Variants in PIBF1 observed in about 807,000 individuals in gnomAD.
PIBF1 encodes the protein progesterone immunomodulatory binding factor 1, also known as progesterone-induced-blocking factor 1.
A neutral mutation model predicts 112.5 loss-of-function variants in PIBF1; 90 were observed. The observed-to-expected ratio is 0.80, with a 90% confidence interval of 0.67 to 0.95. The LOEUF is 0.95. Ranked by LOEUF, PIBF1 falls within the 40% of genes least tolerant of loss-of-function variation. PIBF1 has a pLI of 0.00. For missense variants in PIBF1, 915 were observed against 852.3 expected, an observed-to-expected ratio of 1.07 and a Z score of -0.92; for synonymous variants, 301 against 288.6, an observed-to-expected ratio of 1.04 and a Z score of -0.44.
intron 14 of PIBF1, among the ~76,000 whole-genome samples, chr13:72,945,404 A>G (rs1207811276): frequency 6.6e-6 from 1 of 152,230 alleles, no homozygotes; most frequent in Non-Finnish European, 1.5e-5. Flanking sequence ...GTTTATACCC[A>G]GTAATGAGAT....
chr13:72,893,057 A>C (rs2040121515), intron 10 of PIBF1, among the ~76,000 whole-genome samples: 1 of 152,210 alleles, frequency 6.6e-6, no homozygotes, highest in Admixed American at 6.6e-5. Flanking sequence ...CATACCCAGC[A>C]TTATACTTGG....
intron 11 of PIBF1, among the ~76,000 whole-genome samples, chr13:72,898,553 C>T (rs1235307218): frequency 6.6e-6 from 1 of 151,698 alleles, no homozygotes; most frequent in Non-Finnish European, 1.5e-5. Flanking sequence ...ATTGATAGAT[C>T]AGGCCAGGCA....
intron 16 of PIBF1, among the ~76,000 whole-genome samples, chr13:72,984,181 A>C (rs1239232248): frequency 6.6e-6 from 1 of 152,186 alleles, no homozygotes; most frequent in African/African-American, 2.4e-5. Context: ...ATTTACACAC[A>C]TACTTTATGA....
intron 14 of PIBF1, among the ~76,000 whole-genome samples, chr13:72,934,655 A>G (rs997850047): frequency 1.3e-5 from 2 of 152,204 alleles, no homozygotes; most frequent in Admixed American, 6.5e-5. Flanking sequence ...GAGATTGTAC[A>G]TAAGTGAACT....
At chr13:72,869,591 A>G (rs947559838) in intron 10 of PIBF1, among the ~76,000 whole-genome samples, 1 of 151,780 alleles carries the variant, frequency 6.6e-6, no homozygotes, top group Admixed American at 6.6e-5. Flanking sequence ...CATTGTGCAC[A>G]TGTACCCTAA....
chr13:72,902,660 A>T (rs1350598821), intron 11 of PIBF1, among the ~76,000 whole-genome samples: 1 of 152,206 alleles, frequency 6.6e-6, no homozygotes, highest in Non-Finnish European at 1.5e-5. Flanking sequence ...TTTATTATGT[A>T]AAAATTAGAA....
chr13:72,854,810 C>T (rs921395369), intron 10 of PIBF1, among the ~76,000 whole-genome samples: 1 of 149,032 alleles, frequency 6.7e-6, no homozygotes, highest in Non-Finnish European at 1.5e-5. Flanking sequence ...CCATTGTATA[C>T]TCCCTAGTTT....
intron 14 of PIBF1, among the ~76,000 whole-genome samples, chr13:72,935,191 G>A (rs921292941): frequency 1.3e-5 from 2 of 152,024 alleles, no homozygotes; most frequent in Non-Finnish European, 2.9e-5. Context: ...TCACTATGTT[G>A]GCCAGGCTGG....
rs762667732 is a variant in PIBF1 at position 72,998,843 on chromosome 13, A to T, written c.2071A>T (p.Ile691Phe). The T allele has an allele frequency of 6.2e-6, 10 of 1,611,798 alleles. No individual in the cohort carries two copies. The South Asian group carries it at 1.1e-4, about 18-fold the overall frequency. ...ACAGGAATTGGCAGCAATGAAACAG[A>T]TTCTCGTTAAGATGCATAGTAAACA... ...HREELAAMKQ[I>F]LVKMHSKHSE... is the part of the protein sequence containing the mutation. The change falls in exon 17 of 18, where the codon ATT becomes TTT. Residue 691 changes from isoleucine (I) to phenylalanine (F), a missense_variant. Ile to Phe is a conservative substitution (Grantham distance 21, BLOSUM62 0). Transcript: ENST00000326291.
chr13:72,958,191 G>A (rs1277473646), intron 14 of PIBF1, among the ~76,000 whole-genome samples: 1 of 150,736 alleles, frequency 6.6e-6, no homozygotes, highest in Non-Finnish European at 1.5e-5. Context: ...TGCCCTCAGA[G>A]GTTGTGATTA....
intron 14 of PIBF1, among the ~76,000 whole-genome samples, chr13:72,950,876 TGAA>T (rs1019605278): frequency 6.6e-6 from 1 of 152,176 alleles, no homozygotes; most frequent in African/African-American, 2.4e-5. Flanking sequence ...AAACAAGCAA[TGAA>T]GAAGATTGCG....
intron 10 of PIBF1, among the ~76,000 whole-genome samples, chr13:72,868,214 T>A (rs1174274064): frequency 6.6e-6 from 1 of 151,692 alleles, no homozygotes; most frequent in Non-Finnish European, 1.5e-5. Flanking sequence ...GGTTGAAGGA[T>A]CCCTTGAGCC....
chr13:72,959,678 T>A (rs545945772), intron 14 of PIBF1, among the ~76,000 whole-genome samples: 1 of 152,162 alleles, frequency 6.6e-6, no homozygotes, highest in Non-Finnish European at 1.5e-5. Flanking sequence ...AAGAGAAAAA[T>A]TGTAATTTTA....
In PIBF1 at chr13:72,950,014, A is replaced by G. The variant is rs958515814; in HGVS notation, c.1834-15260A>G. ...GAATGCTTCCTAGACGTGTTTGTCT[A>G]CTATGTGTAGGAGCAAGCTAATCCA... On this transcript the variant is annotated intron_variant, in intron 14 of 17. Coordinates refer to ENST00000326291, the MANE Select transcript of PIBF1 (RefSeq NM_006346.4). Among the ~76,000 whole-genome samples the G allele has an allele frequency of 2.0e-5, 3 of 152,300 alleles. No individual in the cohort carries two copies. In the East Asian group the frequency reaches 5.8e-4, roughly 29 times the overall value.
At chr13:72,851,533 C>T (rs1024867966) in intron 9 of PIBF1, among the ~76,000 whole-genome samples, 2 of 152,228 alleles carry the variant, frequency 1.3e-5, no homozygotes, top group African/African-American at 4.8e-5. Flanking sequence ...TGCAGGCCTG[C>T]AGGTGCCCTT....
At chr13:72,949,834 C>T (rs184047879) in intron 14 of PIBF1, among the ~76,000 whole-genome samples, 1 of 152,200 alleles carries the variant, frequency 6.6e-6, no homozygotes, top group African/African-American at 2.4e-5. Context: ...TGTGAAAACA[C>T]TCATTTGGAT....
intron 14 of PIBF1, among the ~76,000 whole-genome samples, chr13:72,959,831 T>C (rs2042557621): frequency 6.6e-6 from 1 of 152,208 alleles, no homozygotes; most frequent in Admixed American, 6.5e-5. Flanking sequence ...GTCATGGGTT[T>C]TATCTAGAGT....
intron 16 of PIBF1, among the ~76,000 whole-genome samples, chr13:72,977,880 A>T (rs571050322): frequency 6.6e-6 from 1 of 152,196 alleles, no homozygotes; most frequent in South Asian, 2.1e-4. Flanking sequence ...AATATATTCA[A>T]CAACTAATTT....
chr13:72,916,396 A>AT (rs1566443956), intron 12 of PIBF1, among the ~76,000 whole-genome samples: 87 of 96,718 alleles, frequency 9.0e-4, no homozygotes, highest in East Asian at 3.8e-3. Flanking sequence ...CCATCTCAAA[A>AT]AATATATATA....
Sources: allele counts gnomAD v4.1 joint callset (sites outside exome capture counted in the v4.1 genomes callset), GRCh38; gene constraint gnomAD v4.1.1; transcripts MANE v1.5; gene names NCBI Gene and HGNC (gene_info 2026-07-23, HGNC 2026-07-21).